The following PCSK2 variants were observed in gnomAD, a reference collection of about 807,000 sequenced individuals.
PCSK2 encodes neuroendocrine convertase 2.
Under a neutral mutation model 69.7 loss-of-function variants are expected in PCSK2, and 14 were observed. The observed-to-expected ratio is 0.20, with a 90% CI of 0.13 to 0.31. The LOEUF (loss-of-function observed/expected upper bound fraction) is 0.31, where lower values mean the gene tolerates loss of function less well. Ranked by LOEUF, PCSK2 falls within the 10% of genes least tolerant of loss-of-function variation. The probability of loss-of-function intolerance (pLI) is 1.00; values close to 1 mark genes in which losing one functional copy is unlikely to be tolerated. For synonymous variants in PCSK2, 307 were observed against 320.7 expected (o/e 0.96, Z 0.46); for missense variants, 544 against 842.5 (o/e 0.65, Z 4.39).
intron 5 of PCSK2, among the ~76,000 whole-genome samples, chr20:17,391,676 A>C (rs1383398115): frequency 6.6e-6 from 1 of 152,078 alleles, no homozygotes; most frequent in Non-Finnish European, 1.5e-5. Context: ...TCAGAAACAG[A>C]GACAGTGGGA....
At chr20:17,240,717 A>G (rs1986538254) in intron 1 of PCSK2, among the ~76,000 whole-genome samples, 1 of 152,210 alleles carries the variant, frequency 6.6e-6, no homozygotes. Context: ...GTGTCACTCT[A>G]GACTTGATAT....
intron 4 of PCSK2, among the ~76,000 whole-genome samples, chr20:17,366,074 T>C (rs1039095066): frequency 6.6e-6 from 1 of 152,192 alleles, no homozygotes; most frequent in African/African-American, 2.4e-5. Context: ...CCCCACCCCA[T>C]GGCAGTTCTC....
intron 11 of PCSK2, among the ~76,000 whole-genome samples, chr20:17,480,189 T>C (rs868404295): frequency 0.012 from 1,255 of 106,738 alleles, 8 homozygotes; most frequent in Middle Eastern, 0.035. Flanking sequence ...CTTTTCTTTT[T>C]TTTTTTTTTT....
intron 2 of PCSK2, among the ~76,000 whole-genome samples, chr20:17,329,097 A>T (rs1982024713): frequency 6.6e-6 from 1 of 152,244 alleles, no homozygotes; most frequent in South Asian, 2.1e-4. Context: ...TACCAAACAC[A>T]GTGTTGACTA....
At chr20:17,246,134 C>A (rs571080610) in intron 1 of PCSK2, among the ~76,000 whole-genome samples, 31 of 152,280 alleles carry the variant, frequency 2.0e-4, no homozygotes, top group African/African-American at 7.5e-4. Context: ...AGCTTGCAAT[C>A]CAGGCATTCC....
At chr20:17,308,445 A>C (rs1250021881) in intron 2 of PCSK2, among the ~76,000 whole-genome samples, 2 of 152,180 alleles carry the variant, frequency 1.3e-5, no homozygotes, top group Non-Finnish European at 2.9e-5. Flanking sequence ...AGAACTAAAC[A>C]TGCAAAGATC....
intron 5 of PCSK2, among the ~76,000 whole-genome samples, chr20:17,378,506 A>C (rs1387956309): frequency 6.6e-6 from 1 of 152,216 alleles, no homozygotes; most frequent in Non-Finnish European, 1.5e-5. Context: ...TTTACTCATG[A>C]GAGAATGAAC....
At chr20:17,386,246 A>G (rs181739339) in intron 5 of PCSK2, among the ~76,000 whole-genome samples, 3 of 152,344 alleles carry the variant, frequency 2.0e-5, no homozygotes, top group East Asian at 1.9e-4. Context: ...AGAAAATTTT[A>G]AAGGATAAAA....
chr20:17,252,463 T>C (rs1225545942), intron 1 of PCSK2, among the ~76,000 whole-genome samples: 1 of 152,214 alleles, frequency 6.6e-6, no homozygotes, highest in Non-Finnish European at 1.5e-5. Flanking sequence ...TAACTTATGC[T>C]TGAGTGCAAG....
intron 1 of PCSK2, among the ~76,000 whole-genome samples, chr20:17,240,055 T>A (rs1323870390): frequency 6.6e-6 from 1 of 151,836 alleles, no homozygotes; most frequent in Non-Finnish European, 1.5e-5. Flanking sequence ...GGTTTTACCA[T>A]GTTGGCCAGG....
intron 1 of PCSK2, among the ~76,000 whole-genome samples, chr20:17,245,497 AAAT>A (rs1986736726): frequency 6.6e-6 from 1 of 152,182 alleles, no homozygotes; most frequent in Admixed American, 6.5e-5. Context: ...CTTTATTTAG[AAAT>A]AACTCTGAAC....
chr20:17,331,411 C>T (rs1203720020), intron 2 of PCSK2, among the ~76,000 whole-genome samples: 1 of 152,126 alleles, frequency 6.6e-6, no homozygotes, highest in African/African-American at 2.4e-5. Flanking sequence ...TCTATTAAAC[C>T]CAGGCCTTCT....
At chr20:17,370,939 G>A (rs2030740528) in intron 5 of PCSK2, among the ~76,000 whole-genome samples, 2 of 152,134 alleles carry the variant, frequency 1.3e-5, no homozygotes, top group South Asian at 2.1e-4. Context: ...CTCCAGGGTC[G>A]GTGGTCCTCC....
intron 2 of PCSK2, among the ~76,000 whole-genome samples, chr20:17,267,433 T>A (rs910779348): frequency 6.6e-6 from 1 of 152,174 alleles, no homozygotes; most frequent in Non-Finnish European, 1.5e-5. Context: ...TGCCCCAACC[T>A]GTGGGAAAAA....
chr20:17,364,069 A>G (rs971004636), intron 4 of PCSK2, among the ~76,000 whole-genome samples: 106 of 152,142 alleles, frequency 7.0e-4, no homozygotes, highest in Non-Finnish European at 3.5e-4. Context: ...GCACACCAAC[A>G]TGGCACATGT....
intron 6 of PCSK2, among the ~76,000 whole-genome samples, chr20:17,417,037 TG>T (rs1380133002): frequency 1.3e-5 from 2 of 149,292 alleles, no homozygotes; most frequent in Non-Finnish European, 3.0e-5. Flanking sequence ...TGTGGCAGAC[TG>T]GGGGAGGGGT....
chr20:17,286,594 G>T (rs941135891), intron 2 of PCSK2, among the ~76,000 whole-genome samples: 1 of 152,160 alleles, frequency 6.6e-6, no homozygotes, highest in African/African-American at 2.4e-5. Flanking sequence ...CCTGGAGGAA[G>T]AAAAATGTAG....
intron 5 of PCSK2, among the ~76,000 whole-genome samples, chr20:17,375,776 G>C (rs965525096): frequency 6.6e-6 from 1 of 152,132 alleles, no homozygotes. Flanking sequence ...AATCTGTCTA[G>C]ATTCATGACA....
At chr20:17,450,881 T>TG (rs961824542) in intron 8 of PCSK2, among the ~76,000 whole-genome samples, 18 of 152,062 alleles carry the variant, frequency 1.2e-4, no homozygotes, top group African/African-American at 2.4e-4. Context: ...TATATGAATT[T>TG]GGGGGGGACA....
Sources: gnomAD v4.1 joint callset for allele counts (sites outside exome capture counted in the v4.1 genomes callset) on GRCh38, gnomAD v4.1.1 for gene constraint, MANE v1.5 for transcripts, NCBI Gene and HGNC (gene_info 2026-07-23, HGNC 2026-07-21) for gene names.